The following SUPT3H variants were observed in gnomAD, a reference collection of about 807,000 sequenced individuals.
SUPT3H encodes transcription initiation protein SPT3 homolog.
In SUPT3H, 44 loss-of-function variants were observed where a neutral mutation model predicts 44.3. The observed-to-expected ratio is 0.99, with a 90% CI of 0.78 to 1.28. The LOEUF (loss-of-function observed/expected upper bound fraction) is 1.28, where lower values mean the gene tolerates loss of function less well. SUPT3H is among the 50% of genes most tolerant of loss of function. SUPT3H has a pLI of 0.00. For missense variants in SUPT3H, 380 were observed against 387.1 expected (o/e 0.98, Z 0.15); for synonymous variants, 124 against 125.6 (o/e 0.99, Z 0.09).
chr6:45,236,322 C>T (rs911026025), intron 2 of SUPT3H, among the ~76,000 whole-genome samples: 3 of 152,024 alleles, frequency 2.0e-5, no homozygotes, highest in Non-Finnish European at 2.9e-5. Context: ...GGAGGACACC[C>T]GAGTGCTCTT....
intron 1 of SUPT3H, among the ~76,000 whole-genome samples, chr6:45,368,807 AAATT>A (rs1230252178): frequency 2.0e-5 from 3 of 152,152 alleles, no homozygotes; most frequent in South Asian, 2.1e-4. Context: ...CACATAATAT[AAATT>A]AATAGAAAAC....
chr6:44,845,113 A>G (rs545638578), intron 10 of SUPT3H, among the ~76,000 whole-genome samples: 1 of 152,360 alleles, frequency 6.6e-6, no homozygotes, highest in South Asian at 2.1e-4. Context: ...TAGAAAAATT[A>G]TATGACTAGA....
At chr6:44,847,950 CTCTG>C (rs1430726651) in intron 10 of SUPT3H, among the ~76,000 whole-genome samples, 1 of 130,322 alleles carries the variant, frequency 7.7e-6, no homozygotes, top group Non-Finnish European at 1.6e-5. Flanking sequence ...TGACAGTTAT[CTCTG>C]TGTCTTTTTT....
chr6:44,947,805 G>A (rs1222035328), intron 9 of SUPT3H, among the ~76,000 whole-genome samples: 1 of 152,058 alleles, frequency 6.6e-6, no homozygotes, highest in Non-Finnish European at 1.5e-5. Flanking sequence ...AGTAAAAATT[G>A]GATTTGGCTT....
At chr6:45,192,735 G>A (rs1027063007) in intron 2 of SUPT3H, among the ~76,000 whole-genome samples, 2 of 152,010 alleles carry the variant, frequency 1.3e-5, no homozygotes, top group Non-Finnish European at 2.9e-5. Flanking sequence ...AAGGCACAGA[G>A]AACTTAATAA....
chr6:45,153,961 TC>T (rs1271964237), intron 2 of SUPT3H, among the ~76,000 whole-genome samples: 3 of 150,366 alleles, frequency 2.0e-5, no homozygotes, highest in African/African-American at 7.3e-5. Flanking sequence ...ACCCAGCTAC[TC>T]GGGAGGCTGA....
intron 3 of SUPT3H, among the ~76,000 whole-genome samples, chr6:45,030,163 AAGCGT>A (rs1394243940): frequency 6.6e-6 from 1 of 152,204 alleles, no homozygotes; most frequent in Non-Finnish European, 1.5e-5. Flanking sequence ...AGAACGACAG[AAGCGT>A]ACCTTGAATT....
At chr6:44,814,521 C>G in intron 11 of SUPT3H, among the ~76,000 whole-genome samples, 1 of 152,148 alleles carries the variant, frequency 6.6e-6, no homozygotes, top group East Asian at 1.9e-4. Flanking sequence ...GCGTGGATCT[C>G]TAGAGTTGTT....
intron 10 of SUPT3H, among the ~76,000 whole-genome samples, chr6:44,907,608 G>A (rs563055806): frequency 7.4e-4 from 112 of 152,302 alleles, no homozygotes; most frequent in Non-Finnish European, 1.4e-3. Flanking sequence ...AACCTGGGAG[G>A]CAGAGGTTGC....
intron 3 of SUPT3H, among the ~76,000 whole-genome samples, chr6:45,026,557 C>T (rs1294396023): frequency 6.6e-6 from 1 of 151,956 alleles, no homozygotes; most frequent in Non-Finnish European, 1.5e-5. Context: ...ATATATAAAA[C>T]ATTAAAAGTC....
At chr6:45,260,642 C>T (rs1774213845) in intron 2 of SUPT3H, among the ~76,000 whole-genome samples, 1 of 152,002 alleles carries the variant, frequency 6.6e-6, no homozygotes, top group Non-Finnish European at 1.5e-5. Context: ...ATTAACTACA[C>T]AAGATTATTT....
At chr6:44,987,106 T>C (rs6458416) in intron 6 of SUPT3H, among the ~76,000 whole-genome samples, 149,027 of 152,196 alleles carry the variant, frequency 0.98, 72,974 homozygotes, top group Middle Eastern at 1. Context: ...CAGATAGCTG[T>C]CTTCTCCCTA....
chr6:45,008,581 C>T (rs1285788290), intron 5 of SUPT3H, among the ~76,000 whole-genome samples: 1 of 151,970 alleles, frequency 6.6e-6, no homozygotes, highest in African/African-American at 2.4e-5. Context: ...TTTCAAAATC[C>T]TGGCTTAAAG....
chr6:45,131,104 C>A (rs189315280), intron 2 of SUPT3H, among the ~76,000 whole-genome samples: 1 of 152,190 alleles, frequency 6.6e-6, no homozygotes, highest in Admixed American at 6.5e-5. Flanking sequence ...CTATCCTCTC[C>A]ATGATCCTGA....
intron 6 of SUPT3H, among the ~76,000 whole-genome samples, chr6:44,981,532 T>C (rs1005005733): frequency 6.6e-6 from 1 of 152,172 alleles, no homozygotes; most frequent in Non-Finnish European, 1.5e-5. Context: ...CCCAAATATT[T>C]TGAAATATTC....
chr6:44,864,736 G>T (rs899199155), intron 10 of SUPT3H, among the ~76,000 whole-genome samples: 1 of 151,428 alleles, frequency 6.6e-6, no homozygotes, highest in Non-Finnish European at 1.5e-5. Context: ...TGGGGACCCT[G>T]GGCCCAGCCC....
intron 10 of SUPT3H, among the ~76,000 whole-genome samples, chr6:44,867,965 ATT>A (rs34985613): frequency 1.8e-3 from 269 of 146,130 alleles, no homozygotes; most frequent in African/African-American, 6.6e-3. Context: ...CCATTTTGGT[ATT>A]TTTTTTTTTT....
intron 10 of SUPT3H, among the ~76,000 whole-genome samples, chr6:44,928,909 A>AAAAAAAAAAAAAAAAG (rs1491361687): frequency 7.2e-6 from 1 of 139,076 alleles, no homozygotes; most frequent in African/African-American, 2.7e-5. Flanking sequence ...AAAAAAGAAA[A>AAAAAAAAAAAAAAAAG]GAAAAGAAAC....
At chr6:45,004,484 T>C (rs1364907302) in intron 5 of SUPT3H, among the ~76,000 whole-genome samples, 2 of 151,982 alleles carry the variant, frequency 1.3e-5, no homozygotes, top group African/African-American at 2.4e-5. Context: ...TATATTATCA[T>C]CTTAGGTCCA....
Sources: allele counts gnomAD v4.1 joint callset (sites outside exome capture counted in the v4.1 genomes callset), GRCh38; gene constraint gnomAD v4.1.1; transcripts MANE v1.5; gene names NCBI Gene and HGNC (gene_info 2026-07-23, HGNC 2026-07-21).